CNNM2: variants seen among roughly 807,000 people sequenced by gnomAD.
The protein encoded by CNNM2 is metal transporter CNNM2.
In CNNM2, 12 loss-of-function variants were observed where a neutral mutation model predicts 66.9. That is an observed-to-expected ratio of 0.18 (90% CI 0.11 to 0.29). The LOEUF (loss-of-function observed/expected upper bound fraction) is 0.29. CNNM2 is among the 10% of genes least tolerant of loss of function. CNNM2 has a pLI of 1.00. For missense variants in CNNM2, 705 were observed against 1,167.7 expected (o/e 0.60, Z 5.77); for synonymous variants, 557 against 501.8 (o/e 1.11, Z -1.47).
intron 1 of CNNM2, among the ~76,000 whole-genome samples, chr10:102,953,809 C>T (rs929239134): frequency 6.6e-6 from 1 of 152,036 alleles, no homozygotes; most frequent in African/African-American, 2.4e-5. Context: ...AATCCACCTG[C>T]CTTGACCTCC....
chr10:102,946,931 T>C (rs924871954), intron 1 of CNNM2, among the ~76,000 whole-genome samples: 1 of 152,230 alleles, frequency 6.6e-6, no homozygotes, highest in African/African-American at 2.4e-5. Context: ...ATACTTAATA[T>C]GTTAGTATCC....
chr10:103,082,172 T>C lies in CNNM2; in HGVS notation c.*4992T>C, dbSNP rs2065763626. On this transcript the variant is annotated 3_prime_UTR_variant, in exon 8 of 8. Coordinates refer to ENST00000369878, the MANE Select transcript of CNNM2 (RefSeq NM_017649.5). Reference sequence around the variant, plus strand: ...CAGGTTTTAATGCCCATTGGGACCGTGAACAAATGAGAAGAATGGGAGCAT... The same window carrying C: ...CAGGTTTTAATGCCCATTGGGACCGCGAACAAATGAGAAGAATGGGAGCAT... 1 of 152,214 alleles carries C rather than the reference T, an allele frequency of 6.6e-6. No individual in the cohort carries two copies. The highest frequency in any genetic ancestry group is 1.5e-5 in the Non-Finnish European group (1 of 68,042). 9.4% of individuals were successfully genotyped at this position (152,214 alleles called of 1,614,324 possible). A position where few individuals can be genotyped will look rare whatever the true frequency, so the allele number is the denominator to read the frequency against.
chr10:103,034,552 G>T (rs2064893616), intron 1 of CNNM2, among the ~76,000 whole-genome samples: 4 of 152,104 alleles, frequency 2.6e-5, no homozygotes, highest in Admixed American at 2.0e-4. Flanking sequence ...TATAATTACT[G>T]ATCTTGTCTA....
intron 1 of CNNM2, among the ~76,000 whole-genome samples, chr10:103,033,528 G>GA (rs1172219037): frequency 4.6e-5 from 7 of 151,354 alleles, no homozygotes; most frequent in African/African-American, 1.7e-4. Flanking sequence ...TTCTGGTGAA[G>GA]AAAAAACATG....
At chr10:102,963,951 G>T (rs943988933) in intron 1 of CNNM2, among the ~76,000 whole-genome samples, 3 of 152,144 alleles carry the variant, frequency 2.0e-5, no homozygotes. Flanking sequence ...GATGTGCATT[G>T]TTCTGATGGA....
At position 102,983,384 on chromosome 10, in the gene CNNM2, G is replaced by A. The variant is rs923722735; in HGVS notation, c.1621+63283G>A. Among the ~76,000 whole-genome samples, 14 of 147,914 alleles carry A rather than the reference G, an allele frequency of 9.5e-5. No individual in the cohort carries two copies. In the East Asian group the frequency reaches 2.0e-3, roughly 21 times the overall value. On this transcript the variant is annotated intron_variant, in intron 1 of 7. Transcript: ENST00000369878. ...TTTATATATATAAATTTTTTAGGTCGGGCGTGGTGGCTCACACCTGTAATC... is the reference window on the plus strand; with the variant it reads ...TTTATATATATAAATTTTTTAGGTCAGGCGTGGTGGCTCACACCTGTAATC...
intron 5 of CNNM2, among the ~76,000 whole-genome samples, chr10:103,070,465 T>C (rs2065559643): frequency 6.6e-6 from 1 of 152,188 alleles, no homozygotes; most frequent in African/African-American, 2.4e-5. Flanking sequence ...AGTAGAAAGG[T>C]GCCTGACTGT....
chr10:102,978,955 G>T (rs939517499), intron 1 of CNNM2, among the ~76,000 whole-genome samples: 1 of 152,150 alleles, frequency 6.6e-6, no homozygotes, highest in Non-Finnish European at 1.5e-5. Flanking sequence ...ATTGTAAATG[G>T]TTTCTTCTCA....
In CNNM2 at chr10:103,088,154, G is replaced by A. The variant is rs949501280; in HGVS notation, c.*10974G>A. The A allele has an allele frequency of 5.3e-5, 8 of 152,120 alleles. No individual in the cohort carries two copies. The highest frequency in any genetic ancestry group is 2.1e-4 in the South Asian group (1 of 4,824). 9.4% of individuals were successfully genotyped at this position (152,120 alleles called of 1,614,324 possible). A position where few individuals can be genotyped will look rare whatever the true frequency, so the allele number is the denominator to read the frequency against. Reference sequence around the variant, plus strand: ...TACTACAGAATAGGTCAAAGTCACCGTTAGAAATATTACACTTTATTGAAT... The same window carrying A: ...TACTACAGAATAGGTCAAAGTCACCATTAGAAATATTACACTTTATTGAAT... On this transcript the variant is annotated 3_prime_UTR_variant, in exon 8 of 8. Transcript: ENST00000369878.
At chr10:102,940,632 A>G (rs985389257) in intron 1 of CNNM2, among the ~76,000 whole-genome samples, 1 of 150,310 alleles carries the variant, frequency 6.7e-6, no homozygotes, top group African/African-American at 2.5e-5. Context: ...GTTAGCCAGG[A>G]TGGTCTTGAT....
chr10:102,920,053 G>A lies in CNNM2; in HGVS notation c.1573G>A (p.Val525Ile). 1 of 1,614,150 alleles carries A rather than the reference G, an allele frequency of 6.2e-7. No homozygotes were observed. The highest frequency in any genetic ancestry group is 8.5e-7 in the Non-Finnish European group (1 of 1,180,022). Residue 525 changes from valine (V) to isoleucine (I), a missense_variant, in exon 1 of 8, where the codon GTT becomes ATT. By Grantham distance (29) the Val-to-Ile change is conservative. Around this residue, in one of 9 missense-constraint regions of CNNM2, gnomAD observed 171 missense variants for 304.8 expected, o/e 0.56. Transcript: ENST00000369878. ...TKFYNHPLHF[V>I]FNDTKLDAML... The stretch of plus-strand genomic sequence containing the variant: ...ATTTTATAACCACCCCTTGCACTTT[G>A]TTTTCAATGACACCAAGTTGGACGC...
At chr10:102,938,127 C>T (rs966620649) in intron 1 of CNNM2, among the ~76,000 whole-genome samples, 2 of 151,334 alleles carry the variant, frequency 1.3e-5, no homozygotes, top group African/African-American at 4.9e-5. Context: ...AGTGAGACCT[C>T]ATCTCTACAA....
At chr10:102,975,987 T>G (rs1438385045) in intron 1 of CNNM2, among the ~76,000 whole-genome samples, 2 of 152,156 alleles carry the variant, frequency 1.3e-5, no homozygotes. Flanking sequence ...AAATTCTACT[T>G]CCTTGTCTTA....
chr10:102,918,840 C>T lies in CNNM2; in HGVS notation c.360C>T (p.Phe120=), dbSNP rs142276906. The change falls in exon 1 of 8, where the codon TTC becomes TTT. Residue 120 remains phenylalanine, a synonymous_variant. Transcript: ENST00000369878. This position sits in a 1 kb window ranked among gnomAD's most constrained non-coding sequence, Gnocchi z 4.1. The part of the protein sequence containing the change: ...INNETWSRIA[F]TEHERRRHSP... ...ACGAGACGTGGTCCCGCATCGCCTTCACCGAGCACGAGCGGCGGCGCCACA... is the reference window on the plus strand; with the variant it reads ...ACGAGACGTGGTCCCGCATCGCCTTTACCGAGCACGAGCGGCGGCGCCACA... 411 of 1,588,394 alleles carry T rather than the reference C, an allele frequency of 2.6e-4. 2 individuals are homozygous for T. The African/African-American group carries it at 5.1e-3, about 20-fold the overall frequency.
intron 5 of CNNM2, among the ~76,000 whole-genome samples, chr10:103,070,390 T>C (rs911962943): frequency 2.0e-5 from 3 of 152,122 alleles, no homozygotes; most frequent in African/African-American, 7.2e-5. Flanking sequence ...ATTAGAAGAC[T>C]AGGATGCAGT....
rs111973848 is a variant in CNNM2 at position 102,944,979 on chromosome 10, G to GT, written c.1621+24889dup. Among the ~76,000 whole-genome samples, 3,995 of 140,558 alleles carry GT rather than the reference G, an allele frequency of 0.028. 108 individuals carry two copies. Among genetic ancestry groups the GT allele is most frequent in the African/African-American group, 0.069 (2,641 of 38,390 alleles). The allele number at this position is 140,558 out of a possible 152,430, so 92.2% of individuals were successfully genotyped here. A position where few individuals can be genotyped will look rare whatever the true frequency, so the allele number is the denominator to read the frequency against. Reference sequence around the variant, plus strand: ...TAAATATGGTTTTGTTTTGTTTTTTGTTTTTTTTTTTGGCAAGAATACCAC... The same window carrying GT: ...TAAATATGGTTTTGTTTTGTTTTTTGTTTTTTTTTTTTGGCAAGAATACCAC... On this transcript the variant is annotated intron_variant, in intron 1 of 7. Coordinates refer to ENST00000369878, the MANE Select transcript of CNNM2 (RefSeq NM_017649.5).
chr10:102,962,878 G>T (rs1380517191), intron 1 of CNNM2, among the ~76,000 whole-genome samples: 3 of 152,136 alleles, frequency 2.0e-5, no homozygotes, highest in Non-Finnish European at 4.4e-5. Context: ...ATAAACATTA[G>T]TGTAAAATAA....
At chr10:102,965,537 C>T (rs924290977) in intron 1 of CNNM2, among the ~76,000 whole-genome samples, 2 of 152,188 alleles carry the variant, frequency 1.3e-5, no homozygotes, top group East Asian at 3.8e-4. Flanking sequence ...TCACTAAAAT[C>T]TCAGTGATTT....
intron 1 of CNNM2, among the ~76,000 whole-genome samples, chr10:102,940,291 T>C (rs755277371): frequency 4.7e-4 from 72 of 151,988 alleles, no homozygotes; most frequent in Non-Finnish European, 9.0e-4. Context: ...AATTGATCTG[T>C]TTTGAAAACG....
Sources: allele counts gnomAD v4.1 joint callset (sites outside exome capture counted in the v4.1 genomes callset), GRCh38; gene constraint gnomAD v4.1.1; regional missense constraint gnomAD v4.1.1; non-coding constraint Gnocchi (gnomAD v3.1); transcripts MANE v1.5; gene names NCBI Gene and HGNC (gene_info 2026-07-23, HGNC 2026-07-21).